CDYL2: variants seen among roughly 807,000 people sequenced by gnomAD.
The protein encoded by CDYL2 is chromodomain Y-like protein 2.
In CDYL2, 23 loss-of-function variants were observed where a neutral mutation model predicts 49.4. The ratio of observed to expected loss-of-function variants is 0.47; its 90% CI spans 0.34 to 0.66. CDYL2 has a LOEUF of 0.66. CDYL2 is among the 30% of genes least tolerant of loss of function. The pLI is 0.01. For synonymous variants in CDYL2, 360 were observed against 268.8 expected (o/e 1.34, Z -3.32); for missense variants, 678 against 656.4 (o/e 1.03, Z -0.36).
At chr16:80,655,733 A>G (rs934222986) in intron 2 of CDYL2, among the ~76,000 whole-genome samples, 3 of 152,162 alleles carry the variant, frequency 2.0e-5, no homozygotes, top group African/African-American at 4.8e-5. Flanking sequence ...AGCCTCCTTG[A>G]GTACTGGATT....
intron 1 of CDYL2, among the ~76,000 whole-genome samples, chr16:80,730,438 G>T (rs925675157): frequency 3.3e-5 from 5 of 151,870 alleles, no homozygotes; most frequent in African/African-American, 1.2e-4. Flanking sequence ...AATAACAGGA[G>T]CTGAAATTGT....
intron 2 of CDYL2, among the ~76,000 whole-genome samples, chr16:80,672,318 T>TACACAC (rs68135845): frequency 2.0e-4 from 26 of 126,838 alleles, no homozygotes; most frequent in East Asian, 4.4e-4. Flanking sequence ...TACAAAATGT[T>TACACAC]ACACACACAC....
At chr16:80,699,298 T>C (rs189296357) in intron 1 of CDYL2, among the ~76,000 whole-genome samples, 2 of 152,316 alleles carry the variant, frequency 1.3e-5, no homozygotes, top group African/African-American at 4.8e-5. Context: ...AAATATGATA[T>C]ACATATTTAT....
In CDYL2 at chr16:80,755,381, G is replaced by C. The variant is rs144009588; in HGVS notation, c.24+48769C>G. Among the ~76,000 whole-genome samples the C allele has an allele frequency of 3.7e-3, 557 of 152,282 alleles. 5 individuals carry two copies. Among genetic ancestry groups the C allele is most frequent in the African/African-American group, 0.013 (524 of 41,546 alleles). The stretch of plus-strand genomic sequence containing the variant: ...CCCTCAGGAAAAACAGAAATCAGTG[G>C]AGAACCAGAGCCCATACTCGGCACT... On this transcript the variant is annotated intron_variant, in intron 1 of 6. Transcript: ENST00000570137.
chr16:80,717,192 G>T (rs1251534880), intron 1 of CDYL2, among the ~76,000 whole-genome samples: 1 of 149,906 alleles, frequency 6.7e-6, no homozygotes, highest in Non-Finnish European at 1.5e-5. Flanking sequence ...GATGGATGGA[G>T]ACAGCCCTGC....
intron 3 of CDYL2, 91 bp downstream of exon 3, chr16:80,632,928 C>G: frequency 7.7e-7 from 1 of 1,304,876 alleles, no homozygotes; most frequent in Non-Finnish European, 1.1e-6. Context: ...CCTCAGCTCC[C>G]TGATGGAAGG....
chr16:80,757,106 T>TA (rs1906337417), intron 1 of CDYL2, among the ~76,000 whole-genome samples: 1 of 151,852 alleles, frequency 6.6e-6, no homozygotes, highest in African/African-American at 2.4e-5. Flanking sequence ...GTAAAAGAAA[T>TA]AAGAGCTTCA....
chr16:80,689,087 T>TGAATGAAC (rs1192253256), intron 1 of CDYL2, among the ~76,000 whole-genome samples: 1 of 152,186 alleles, frequency 6.6e-6, no homozygotes, highest in African/African-American at 2.4e-5. Flanking sequence ...AATGAATGAA[T>TGAATGAAC]GAATGAATGA....
chr16:80,707,870 G>T (rs1018270298), intron 1 of CDYL2, among the ~76,000 whole-genome samples: 2 of 152,164 alleles, frequency 1.3e-5, no homozygotes, highest in Non-Finnish European at 2.9e-5. Flanking sequence ...CTGTACACTG[G>T]GAAAATTCCA....
intron 1 of CDYL2, among the ~76,000 whole-genome samples, chr16:80,726,769 GCAA>G (rs547653136): frequency 2.0e-5 from 3 of 150,570 alleles, no homozygotes; most frequent in Non-Finnish European, 4.4e-5. Context: ...AGTATCAATA[GCAA>G]CAACAACAAC....
intron 3 of CDYL2, among the ~76,000 whole-genome samples, chr16:80,629,845 A>C (rs1228092813): frequency 6.6e-6 from 1 of 152,196 alleles, no homozygotes; most frequent in African/African-American, 2.4e-5. Context: ...GTGGACATTA[A>C]ATGGCCTCTG....
intron 1 of CDYL2, among the ~76,000 whole-genome samples, chr16:80,739,336 T>A (rs76067068): frequency 0.023 from 3,471 of 152,276 alleles, 142 homozygotes; most frequent in African/African-American, 0.081. Context: ...ACAGTGGTGA[T>A]TACTGCACAT....
chr16:80,658,220 G>A (rs1217743554), intron 2 of CDYL2, among the ~76,000 whole-genome samples: 4 of 152,006 alleles, frequency 2.6e-5, no homozygotes, highest in Non-Finnish European at 5.9e-5. Context: ...ACCCTTCTTT[G>A]AGGATATCTT....
chr16:80,733,888 T>C (rs1905421189), intron 1 of CDYL2, among the ~76,000 whole-genome samples: 1 of 152,150 alleles, frequency 6.6e-6, no homozygotes. Flanking sequence ...ATATAAATTG[T>C]ATTGTCTTTT....
chr16:80,724,834 T>C (rs190931256), intron 1 of CDYL2, among the ~76,000 whole-genome samples: 1 of 152,336 alleles, frequency 6.6e-6, no homozygotes, highest in Non-Finnish European at 1.5e-5. Context: ...GCTTCCCACA[T>C]GGTCTTCTTG....
At chr16:80,684,475 A>C in intron 2 of CDYL2, 63 bp downstream of exon 2, 1 of 1,490,296 alleles carries the variant, frequency 6.7e-7, no homozygotes, top group Non-Finnish European at 9.2e-7. Flanking sequence ...TCCCTAGGCT[A>C]CAGGCAGAGC....
At position 80,604,007 on chromosome 16, in the gene CDYL2, G is replaced by A. The variant is rs1292989074; in HGVS notation, c.*381C>T. ...AACCAGAGAGAGCCATGATGGCCAA[G>A]TCTCCAAGTCAGAGGCACTGTGTAG... is the stretch of plus-strand genomic sequence containing the variant. On this transcript the variant is annotated 3_prime_UTR_variant, in exon 7 of 7. Coordinates refer to ENST00000570137, the MANE Select transcript of CDYL2 (RefSeq NM_152342.4). 1.5e-5 allele frequency: 3 copies of A among 193,604 alleles called. No individual in the cohort carries two copies. The highest frequency in any genetic ancestry group is 6.9e-5 in the African/African-American group (3 of 43,312). 12.0% of individuals were successfully genotyped at this position (193,604 alleles called of 1,614,324 possible). A position where few individuals can be genotyped will look rare whatever the true frequency, so the allele number is the denominator to read the frequency against.
chr16:80,797,944 C>T (rs929533978), intron 1 of CDYL2, among the ~76,000 whole-genome samples: 2 of 152,180 alleles, frequency 1.3e-5, no homozygotes, highest in African/African-American at 2.4e-5. Flanking sequence ...AAAACGTTAC[C>T]ATTCATCAAA....
chr16:80,609,768 T>C (rs1906512494), intron 5 of CDYL2, among the ~76,000 whole-genome samples: 1 of 152,058 alleles, frequency 6.6e-6, no homozygotes, highest in Non-Finnish European at 1.5e-5. Context: ...AAGAGAGAAC[T>C]TAGGGGTATT....
Sources: allele counts gnomAD v4.1 joint callset (sites outside exome capture counted in the v4.1 genomes callset), GRCh38; gene constraint gnomAD v4.1.1; transcripts MANE v1.5; gene names NCBI Gene and HGNC (gene_info 2026-07-23, HGNC 2026-07-21).